The following ANAPC1 variants were observed in gnomAD, a reference collection of about 807,000 sequenced individuals.
ANAPC1 encodes anaphase promoting complex subunit 1.
ANAPC1 carries 36 observed loss-of-function variants against 208.0 expected under a neutral mutation model. That is an observed-to-expected ratio of 0.17 (90% CI 0.13 to 0.23). The LOEUF is 0.23. Among genes scored for constraint, ANAPC1 ranks in the 10% least tolerant of loss-of-function variants. ANAPC1 has a pLI of 1.00. For missense variants in ANAPC1, 942 were observed against 2,011.6 expected (o/e 0.47, Z 10.17); for synonymous variants, 378 against 695.2 (o/e 0.54, Z 7.18).
At chr2:111,841,029 C>T (rs764794491) in intron 17 of ANAPC1, among the ~76,000 whole-genome samples, 1 of 152,086 alleles carries the variant, frequency 6.6e-6, no homozygotes, top group Admixed American at 6.5e-5. Context: ...GACGACAGAG[C>T]GAAACCCCGT....
intron 18 of ANAPC1, among the ~76,000 whole-genome samples, chr2:111,837,129 C>G (rs879769714): frequency 3.9e-5 from 6 of 151,902 alleles, no homozygotes; most frequent in Non-Finnish European, 7.4e-5. Flanking sequence ...TCACACTACT[C>G]AGCAATAAAA....
intron 6 of ANAPC1, among the ~76,000 whole-genome samples, chr2:111,870,219 T>G (rs1682671236): frequency 6.6e-6 from 1 of 152,258 alleles, no homozygotes; most frequent in African/African-American, 2.4e-5. Context: ...TTTTATTTCC[T>G]TTGGGTAGAT....
chr2:111,875,286 G>A (rs1403862630), intron 3 of ANAPC1, among the ~76,000 whole-genome samples: 2 of 152,138 alleles, frequency 1.3e-5, no homozygotes, highest in East Asian at 3.8e-4. Flanking sequence ...TTGTTGAGTT[G>A]TGGGAGATTT....
chr2:111,834,583 C>G, intron 19 of ANAPC1, 21 bp downstream of exon 19: 1 of 1,518,464 alleles, frequency 6.6e-7, no homozygotes, highest in Non-Finnish European at 8.8e-7. Flanking sequence ...CTGGCAGTTT[C>G]TAACCTACAA....
chr2:111,868,207 C>T, intron 6 of ANAPC1, 111 bp from the exon 7 acceptor site: 2 of 586,444 alleles, frequency 3.4e-6, no homozygotes, highest in Non-Finnish European at 5.9e-6. Context: ...TAGAAACCTA[C>T]TATCTCAAAA....
intron 17 of ANAPC1, among the ~76,000 whole-genome samples, chr2:111,842,463 G>A (rs1680815563): frequency 1.3e-5 from 2 of 151,998 alleles, no homozygotes; most frequent in Admixed American, 6.6e-5. Context: ...CTAACACGGT[G>A]AAACCCCGTC....
intron 42 of ANAPC1, among the ~76,000 whole-genome samples, 154 bp downstream of exon 42, chr2:111,783,743 C>G (rs1677408420): frequency 6.6e-6 from 1 of 152,252 alleles, no homozygotes; most frequent in South Asian, 2.1e-4. Flanking sequence ...TTCAAAGATA[C>G]AGACTGTTTT....
chr2:111,798,298 C>T (rs199553594), intron 34 of ANAPC1, among the ~76,000 whole-genome samples: 167 of 145,372 alleles, frequency 1.1e-3, no homozygotes, highest in South Asian at 3.3e-3. Flanking sequence ...AATGTATATA[C>T]CTGTGTTTAC....
At chr2:111,838,574 C>T in intron 17 of ANAPC1, 62 bp from the exon 18 acceptor site, 2 of 1,366,644 alleles carry the variant, frequency 1.5e-6, no homozygotes, top group Non-Finnish European at 2.0e-6. Context: ...AACTGATCAA[C>T]TTCAAGGATT....
intron 21 of ANAPC1, among the ~76,000 whole-genome samples, chr2:111,828,765 C>T (rs1454999453): frequency 2.0e-5 from 3 of 152,014 alleles, no homozygotes; most frequent in East Asian, 1.9e-4. Flanking sequence ...AGAAACAGAA[C>T]GGAATTACCA....
chr2:111,825,941 A>G (rs1679809413), intron 21 of ANAPC1, 86 bp from the exon 22 acceptor site: 1 of 1,297,384 alleles, frequency 7.7e-7, no homozygotes, highest in African/African-American at 1.5e-5. Context: ...CAGTGACACA[A>G]TCACAGCTCA....
chr2:111,872,222 T>C (rs1358109190), intron 6 of ANAPC1, among the ~76,000 whole-genome samples: 3 of 152,234 alleles, frequency 2.0e-5, no homozygotes, highest in Admixed American at 2.0e-4. Context: ...CCAATGCTTT[T>C]TTCTGCATCT....
At chr2:111,828,782 G>A (rs1432265604) in intron 21 of ANAPC1, among the ~76,000 whole-genome samples, 3 of 152,334 alleles carry the variant, frequency 2.0e-5, no homozygotes, top group African/African-American at 7.2e-5. Flanking sequence ...ACCAGGGCCT[G>A]GGAGGAAGGG....
chr2:111,786,181 T>A, intron 39 of ANAPC1, among the ~76,000 whole-genome samples: 1 of 108,142 alleles, frequency 9.2e-6, no homozygotes, highest in Non-Finnish European at 1.9e-5. Context: ...TCACCTGAGG[T>A]CAGGAGTTCG....
chr2:111,796,950 G>T (rs200623464), intron 34 of ANAPC1, among the ~76,000 whole-genome samples: 26,217 of 144,836 alleles, frequency 0.18, 2,515 homozygotes, highest in Middle Eastern at 0.27. Context: ...AGAGAGAGAT[G>T]TTATTCTATA....
Position 111,838,507 on chromosome 2 carries a change from G to A in ANAPC1, c.2046C>T (p.Asp682=). Residue 682 remains aspartate (D), a synonymous_variant, in exon 18 of 48, where the codon GAC becomes GAT. Transcript: ENST00000341068. Reference sequence around the variant, plus strand: ...TGACAGGAGAAAGTGATCCTTCAAAGTCAAACTGAAAAGTAACCCCAAAAG... The same window carrying A: ...TGACAGGAGAAAGTGATCCTTCAAAATCAAACTGAAAAGTAACCCCAAAAG... ...TDRLAWTRNF[D]FEGSLSPVIA... is the part of the protein sequence containing the mutation. 6.2e-7 allele frequency: 1 copy of A among 1,602,602 alleles called. No individual in the cohort carries two copies. The highest frequency in any genetic ancestry group is 1.3e-5 in the African/African-American group (1 of 74,486).
At chr2:111,870,825 A>T (rs930301703) in intron 6 of ANAPC1, among the ~76,000 whole-genome samples, 3 of 152,166 alleles carry the variant, frequency 2.0e-5, no homozygotes, top group African/African-American at 7.2e-5. Flanking sequence ...TTATGGTTTC[A>T]GGGCTTAAAG....
intron 20 of ANAPC1, 119 bp downstream of exon 20, chr2:111,833,101 G>A (rs1373832692): frequency 7.4e-7 from 1 of 1,359,676 alleles, no homozygotes; most frequent in African/African-American, 1.4e-5. Flanking sequence ...CTGGTGGAAA[G>A]GCACTGCCCC....
At position 111,862,518 on chromosome 2, in the gene ANAPC1, G is replaced by C; in HGVS notation, c.1133C>G (p.Pro378Arg). 20 of 1,611,504 alleles carry C rather than the reference G, an allele frequency of 1.2e-5. No homozygotes were observed. The highest frequency in any genetic ancestry group is 1.7e-5 in the Admixed American group (1 of 59,994). The change falls in exon 10 of 48, where the codon CCA (proline) becomes CGA (arginine). Residue 378 changes from proline to arginine, a missense_variant. Coordinates refer to ENST00000341068, the MANE Select transcript of ANAPC1 (RefSeq NM_022662.4). ...RFNISSHNQS[P>R]KRHSISHSPN... ...AGAATGAGAAATACTATGTCTCTTTGGAGACTGATTATGGCTTGAAATGTT... is the reference window on the plus strand; with the variant it reads ...AGAATGAGAAATACTATGTCTCTTTCGAGACTGATTATGGCTTGAAATGTT...
Sources: gnomAD v4.1 joint callset for allele counts (sites outside exome capture counted in the v4.1 genomes callset) on GRCh38, gnomAD v4.1.1 for gene constraint, MANE v1.5 for transcripts, NCBI Gene and HGNC (gene_info 2026-07-23, HGNC 2026-07-21) for gene names.